Variants in AHCYL2 observed in about 807,000 individuals in gnomAD.
AHCYL2 encodes adenosylhomocysteinase like 2.
A neutral mutation model predicts 81.4 loss-of-function variants in AHCYL2; 28 were observed. The observed-to-expected ratio is 0.34, with a 90% CI of 0.25 to 0.47. AHCYL2 has a LOEUF of 0.47. Ranked by LOEUF, AHCYL2 falls within the 20% of genes least tolerant of loss-of-function variation. The probability of loss-of-function intolerance (pLI) is 1.00; values close to 1 mark genes in which losing one functional copy is unlikely to be tolerated. For missense variants in AHCYL2, 551 were observed against 785.1 expected, an observed-to-expected ratio of 0.70 and a Z score of 3.56; for synonymous variants, 272 against 290.2, an observed-to-expected ratio of 0.94 and a Z score of 0.64.
At chr7:129,324,575 G>A (rs1563197128) in intron 1 of AHCYL2, among the ~76,000 whole-genome samples, 1 of 152,104 alleles carries the variant, frequency 6.6e-6, no homozygotes, top group Non-Finnish European at 1.5e-5. Flanking sequence ...GAGTGCAGTG[G>A]CGCGATCTTG....
At chr7:129,344,146 G>T (rs1793282279) in intron 1 of AHCYL2, among the ~76,000 whole-genome samples, 1 of 152,104 alleles carries the variant, frequency 6.6e-6, no homozygotes, top group South Asian at 2.1e-4. Context: ...TGAGGGTGTG[G>T]GACAGTTGTA....
chr7:129,328,797 TCTAATG>T (rs1347194051), intron 1 of AHCYL2, among the ~76,000 whole-genome samples: 1 of 152,164 alleles, frequency 6.6e-6, no homozygotes, highest in African/African-American at 2.4e-5. Flanking sequence ...GATTTGGCTT[TCTAATG>T]CTATTGCTGC....
intron 1 of AHCYL2, among the ~76,000 whole-genome samples, chr7:129,269,396 C>G (rs1300023309): frequency 6.6e-6 from 1 of 152,106 alleles, no homozygotes; most frequent in Non-Finnish European, 1.5e-5. Context: ...GGTGATTCTC[C>G]TGCCTCACCC....
chr7:129,309,279 C>G (rs1797557164), intron 1 of AHCYL2, among the ~76,000 whole-genome samples: 2 of 151,202 alleles, frequency 1.3e-5, no homozygotes, highest in South Asian at 4.2e-4. Flanking sequence ...TGGCTCACAC[C>G]TGTAATCCCA....
intron 1 of AHCYL2, among the ~76,000 whole-genome samples, chr7:129,369,052 C>T (rs1201790848): frequency 6.6e-6 from 1 of 152,078 alleles, no homozygotes; most frequent in African/African-American, 2.4e-5. Flanking sequence ...CCCCAGCTAT[C>T]CTTTATATAT....
chr7:129,347,668 GAACAAT>G (rs1471954295), intron 1 of AHCYL2, among the ~76,000 whole-genome samples: 2 of 151,992 alleles, frequency 1.3e-5, no homozygotes, highest in Non-Finnish European at 2.9e-5. Flanking sequence ...CAGTGATAGT[GAACAAT>G]TACAGTCCTT....
chr7:129,329,923 A>G (rs1798358180), intron 1 of AHCYL2, among the ~76,000 whole-genome samples: 2 of 152,270 alleles, frequency 1.3e-5, no homozygotes, highest in South Asian at 4.1e-4. Context: ...TAAATATAGC[A>G]TGTAGGATCA....
At chr7:129,277,278 C>CGTTTTTTTTTTTTTTTTTTTTT (rs35753023) in intron 1 of AHCYL2, among the ~76,000 whole-genome samples, 2 of 135,792 alleles carry the variant, frequency 1.5e-5, no homozygotes, top group African/African-American at 2.7e-5. Context: ...AAGTCTCTCT[C>CGTTTTTTTTTTTTTTTTTTTTT]TTTTTTTTTT....
intron 4 of AHCYL2, among the ~76,000 whole-genome samples, chr7:129,394,564 C>T (rs184989303): frequency 7.3e-4 from 110 of 151,190 alleles, no homozygotes; most frequent in African/African-American, 4.4e-4. Context: ...TCTCCTGCCT[C>T]AGCCTCCCGA....
intron 1 of AHCYL2, among the ~76,000 whole-genome samples, chr7:129,363,155 G>A (rs1477820802): frequency 6.6e-6 from 1 of 152,116 alleles, no homozygotes; most frequent in African/African-American, 2.4e-5. Flanking sequence ...CGCAGGAGCC[G>A]ATACAGTTTG....
At chr7:129,424,700 G>GT (rs1240223170) in intron 13 of AHCYL2, 174 bp from the exon 14 acceptor site, 2 of 632,290 alleles carry the variant, frequency 3.2e-6, no homozygotes, top group Non-Finnish European at 5.6e-6. Flanking sequence ...CAGAATTTTA[G>GT]TGGTTTCATT....
chr7:129,421,759 T>C (rs1797128322), intron 12 of AHCYL2, among the ~76,000 whole-genome samples: 1 of 152,250 alleles, frequency 6.6e-6, no homozygotes, highest in Non-Finnish European at 1.5e-5. Flanking sequence ...TTCTAAACTT[T>C]AGCATCCCAT....
chr7:129,360,580 T>C (rs945388268), intron 1 of AHCYL2, among the ~76,000 whole-genome samples: 5 of 152,242 alleles, frequency 3.3e-5, no homozygotes, highest in African/African-American at 1.2e-4. Context: ...AATGCTGACA[T>C]GCACTGTGAT....
chr7:129,324,185 G>A (rs147288871), intron 1 of AHCYL2, among the ~76,000 whole-genome samples: 1 of 152,046 alleles, frequency 6.6e-6, no homozygotes, highest in Non-Finnish European at 1.5e-5. Context: ...GCCCTGCCCA[G>A]CTTTCTTTTG....
chr7:129,426,950 T>TC lies in AHCYL2; in HGVS notation c.1830-86dup, dbSNP rs1797391135. ...TGTACACTCCAGAAAAGTCTCTGCCTCCCTGTTACACCTTTAGGCAGGCTC... is the reference window on the plus strand; with the variant it reads ...TGTACACTCCAGAAAAGTCTCTGCCTCCCCTGTTACACCTTTAGGCAGGCTC... On this transcript the variant is annotated intron_variant, in intron 16 of 16. Coordinates refer to ENST00000325006, the MANE Select transcript of AHCYL2 (RefSeq NM_015328.4). The surrounding 1 kb of genome is among the most constrained non-coding windows in gnomAD (Gnocchi z 4.3). The TC allele has an allele frequency of 1.0e-5, 14 of 1,372,706 alleles. No individual in the cohort carries two copies. The South Asian group carries it at 1.7e-4, about 17-fold the overall frequency. The allele number at this position is 1,372,706 out of a possible 1,614,324, so 85.0% of individuals were successfully genotyped here. A position where few individuals can be genotyped will look rare whatever the true frequency, so the allele number is the denominator to read the frequency against.
intron 1 of AHCYL2, among the ~76,000 whole-genome samples, chr7:129,271,444 A>G (rs1379600479): frequency 1.3e-5 from 2 of 152,018 alleles, no homozygotes; most frequent in African/African-American, 4.8e-5. Flanking sequence ...GACAATATCA[A>G]TGGTAGAATG....
chr7:129,395,421 G>A (rs1795681605), intron 4 of AHCYL2, among the ~76,000 whole-genome samples: 1 of 152,172 alleles, frequency 6.6e-6, no homozygotes, highest in African/African-American at 2.4e-5. Context: ...ATCTGTAGCA[G>A]CCAAACTTTG....
chr7:129,257,981 G>A (rs1795482948), intron 1 of AHCYL2, among the ~76,000 whole-genome samples: 1 of 152,198 alleles, frequency 6.6e-6, no homozygotes, highest in South Asian at 2.1e-4. Context: ...TGTTGTGGAT[G>A]ATAGGAGTGG....
intron 1 of AHCYL2, among the ~76,000 whole-genome samples, chr7:129,277,237 A>G (rs1796247948): frequency 6.6e-6 from 1 of 151,976 alleles, no homozygotes; most frequent in Non-Finnish European, 1.5e-5. Context: ...TATTGTTACA[A>G]TGAAGATAAA....
Sources: gnomAD v4.1 joint callset for allele counts (sites outside exome capture counted in the v4.1 genomes callset) on GRCh38, gnomAD v4.1.1 for gene constraint, Gnocchi (gnomAD v3.1) non-coding constraint, MANE v1.5 for transcripts, NCBI Gene and HGNC (gene_info 2026-07-23, HGNC 2026-07-21) for gene names.